The following DNAAF5 variants were observed in gnomAD, a reference collection of about 807,000 sequenced individuals.
DNAAF5 encodes dynein axonemal assembly factor 5.
A neutral mutation model predicts 75.8 loss-of-function variants in DNAAF5; 64 were observed. The observed-to-expected ratio is 0.84, with a 90% CI of 0.69 to 1.04. The LOEUF is 1.04. Ranked by LOEUF, DNAAF5 falls within the 50% of genes least tolerant of loss-of-function variation. The pLI is 0.00. For synonymous variants in DNAAF5, 657 were observed against 557.2 expected, an observed-to-expected ratio of 1.18 and a Z score of -2.52; for missense variants, 1,269 against 1,178.5, an observed-to-expected ratio of 1.08 and a Z score of -1.12.
chr7:773,070 G>C (rs1170109693), intron 9 of DNAAF5: 1 of 152,190 alleles, frequency 6.6e-6, no homozygotes, highest in African/African-American at 2.4e-5. Flanking sequence ...GGACTTCCAG[G>C]CCATTTCATG....
intron 4 of DNAAF5, among the ~76,000 whole-genome samples, chr7:751,578 T>C (rs909174832): frequency 1.0e-4 from 15 of 147,360 alleles, no homozygotes; most frequent in African/African-American, 3.5e-4. Context: ...GAATTTTTTT[T>C]TTTTTTTTTT....
intron 4 of DNAAF5, among the ~76,000 whole-genome samples, chr7:742,660 C>G (rs1781945997): frequency 1.3e-5 from 2 of 148,282 alleles, no homozygotes; most frequent in Admixed American, 6.7e-5. Flanking sequence ...GCTCAAATCA[C>G]ATGCCCAGCT....
chr7:744,959 G>T (rs570743406), intron 4 of DNAAF5, among the ~76,000 whole-genome samples: 2 of 152,276 alleles, frequency 1.3e-5, no homozygotes, highest in South Asian at 4.1e-4. Flanking sequence ...CGAACTCACT[G>T]TTGAACTCAC....
chr7:734,454 T>G (rs553753774), intron 2 of DNAAF5, among the ~76,000 whole-genome samples: 1 of 152,364 alleles, frequency 6.6e-6, no homozygotes, highest in African/African-American at 2.4e-5. Context: ...TCTCACTTGG[T>G]CATGACAAAT....
rs1779136642 is a variant in DNAAF5, at chr7:786,070, ATC to A, written c.*421_*422del. On this transcript the variant is annotated 3_prime_UTR_variant, in exon 13 of 13. Coordinates refer to ENST00000297440, the MANE Select transcript of DNAAF5 (RefSeq NM_017802.4). ...GCCAAAGTGATTAGAAAGAAATGAAATCTCTTTTTGGGTTCTGTCTACTGAAA... is the reference window on the plus strand; with the variant it reads ...GCCAAAGTGATTAGAAAGAAATGAAATCTTTTTGGGTTCTGTCTACTGAAA... 1 of 160,132 alleles carries A rather than the reference ATC, an allele frequency of 6.2e-6. No homozygotes were observed. The highest frequency in any genetic ancestry group is 1.9e-4 in the South Asian group (1 of 5,288). 9.9% of individuals were successfully genotyped at this position (160,132 alleles called of 1,614,324 possible).
chr7:785,450 T>C, intron 12 of DNAAF5, 67 bp from the exon 13 acceptor site: 1 of 1,572,160 alleles, frequency 6.4e-7, no homozygotes, highest in Non-Finnish European at 8.7e-7. Flanking sequence ...AAAGCCAATT[T>C]GCACGAGAGG....
chr7:743,011 C>T (rs925711915), intron 4 of DNAAF5, among the ~76,000 whole-genome samples: 6 of 152,216 alleles, frequency 3.9e-5, no homozygotes, highest in Non-Finnish European at 7.3e-5. Context: ...CTAGTTGAGG[C>T]GCTGAAGTAG....
chr7:776,483 G>A (rs1241999872), intron 11 of DNAAF5, among the ~76,000 whole-genome samples: 1 of 152,236 alleles, frequency 6.6e-6, no homozygotes, highest in Admixed American at 6.5e-5. Flanking sequence ...ACTGGGTGGG[G>A]GTGACAAGGC....
Position 754,903 on chromosome 7 carries a change from G to T in DNAAF5, c.1257+82G>T. On this transcript the variant is annotated intron_variant, in intron 5 of 12. Transcript: ENST00000297440. This position sits in a 1 kb window ranked among gnomAD's most constrained non-coding sequence, Gnocchi z 4.8. ...GCCTCTGTGGTGTGCGGGGCCCGAGGCTGTACTGTAGCCAAGACAGCGTTC... is the reference window on the plus strand; with the variant it reads ...GCCTCTGTGGTGTGCGGGGCCCGAGTCTGTACTGTAGCCAAGACAGCGTTC... 2 of 1,094,494 alleles carry T rather than the reference G, an allele frequency of 1.8e-6. No individual in the cohort carries two copies. Among genetic ancestry groups the T allele is most frequent in the Non-Finnish European group, 1.3e-6 (1 of 762,240 alleles). The allele number at this position is 1,094,494 out of a possible 1,614,324, so 67.8% of individuals were successfully genotyped here.
At chr7:767,983 G>A (rs1425166152) in intron 8 of DNAAF5, among the ~76,000 whole-genome samples, 1 of 151,360 alleles carries the variant, frequency 6.6e-6, no homozygotes, top group Non-Finnish European at 1.5e-5. Context: ...CTCGTGCTTG[G>A]AAGGTAGACA....
chr7:768,820 CTTTTTG>C (rs1353400938), intron 8 of DNAAF5: 16 of 288,296 alleles, frequency 5.5e-5, no homozygotes, highest in Non-Finnish European at 9.9e-5. Flanking sequence ...TGGCTGTTTT[CTTTTTG>C]TTTTTAAGCC....
intron 3 of DNAAF5, 89 bp from the exon 4 acceptor site, chr7:741,258 T>C (rs1159345617): frequency 3.1e-6 from 3 of 959,282 alleles, no homozygotes; most frequent in Non-Finnish European, 4.8e-6. Context: ...CGCAATGGGG[T>C]CTTTGGGTGA....
At chr7:770,645 G>A (rs1221511737) in intron 9 of DNAAF5, 27 bp downstream of exon 9, 5 of 1,603,906 alleles carry the variant, frequency 3.1e-6, no homozygotes, top group Non-Finnish European at 4.3e-6. Flanking sequence ...CCTCTGCACG[G>A]CCCCCAGCTG....
intron 12 of DNAAF5, among the ~76,000 whole-genome samples, chr7:783,170 G>C (rs983011665): frequency 1.3e-5 from 2 of 152,230 alleles, no homozygotes; most frequent in Non-Finnish European, 2.9e-5. Context: ...CAGATCCCGC[G>C]TCCGCACAGC....
chr7:745,219 G>A (rs1460155493), intron 4 of DNAAF5, among the ~76,000 whole-genome samples: 1 of 152,212 alleles, frequency 6.6e-6, no homozygotes, highest in East Asian at 1.9e-4. Context: ...ATGGCAAATC[G>A]TTCTCCACGT....
At chr7:784,971 G>C (rs1200353297) in intron 12 of DNAAF5, among the ~76,000 whole-genome samples, 2 of 151,628 alleles carry the variant, frequency 1.3e-5, no homozygotes, top group Non-Finnish European at 2.9e-5. Flanking sequence ...TGCAGCATCA[G>C]GTCACTTGTC....
intron 9 of DNAAF5, chr7:771,865 G>A (rs1343117869): frequency 6.6e-6 from 1 of 152,250 alleles, no homozygotes; most frequent in Non-Finnish European, 1.5e-5. Flanking sequence ...GCCTAACAAC[G>A]TCTTGTGGAA....
At chr7:771,632 G>A (rs1404395577) in intron 9 of DNAAF5, 1 of 152,248 alleles carries the variant, frequency 6.6e-6, no homozygotes. Flanking sequence ...GGCTTAGAAC[G>A]GACCATAGAA....
In DNAAF5 at chr7:741,363, C is replaced by T. The variant is rs1338847928; in HGVS notation, c.922C>T (p.Leu308Phe). ...VPEVRQLAAS[L>F]WEDVGLQWQK... ...GTGCCTCAGGCAGCTGGCTGCCAGC[C>T]TCTGGGAGGACGTTGGCCTGCAGTG... Residue 308 changes from leucine (L) to phenylalanine (F), a missense_variant, in exon 4 of 13, where the codon CTC becomes TTC. Leu to Phe is a conservative substitution (Grantham distance 22). Coordinates refer to ENST00000297440, the MANE Select transcript of DNAAF5 (RefSeq NM_017802.4). The T allele has an allele frequency of 1.3e-6, 2 of 1,588,964 alleles. No homozygotes were observed. Among genetic ancestry groups the T allele is most frequent in the African/African-American group, 1.3e-5 (1 of 74,802 alleles).
Sources: allele counts gnomAD v4.1 joint callset (sites outside exome capture counted in the v4.1 genomes callset), GRCh38; gene constraint gnomAD v4.1.1; non-coding constraint Gnocchi (gnomAD v3.1); transcripts MANE v1.5; gene names NCBI Gene and HGNC (gene_info 2026-07-23, HGNC 2026-07-21).